TNRC6B: variants seen among roughly 807,000 people sequenced by gnomAD.
TNRC6B encodes the protein trinucleotide repeat-containing gene 6B protein.
TNRC6B carries 52 observed loss-of-function variants against 203.6 expected under a neutral mutation model. That is an observed-to-expected ratio of 0.26 (90% CI 0.20 to 0.32). The LOEUF is 0.32. TNRC6B is among the 10% of genes least tolerant of loss of function. The probability of loss-of-function intolerance (pLI) is 1.00; values close to 1 mark genes in which losing one functional copy is unlikely to be tolerated. For missense variants in TNRC6B, 1,923 were observed against 2,286.2 expected (o/e 0.84, Z 3.24); for synonymous variants, 838 against 845.7 (o/e 0.99, Z 0.16).
At chr22:40,059,185 C>T (rs1354701598) in intron 1 of TNRC6B, among the ~76,000 whole-genome samples, 1 of 152,210 alleles carries the variant, frequency 6.6e-6, no homozygotes, top group Non-Finnish European at 1.5e-5. Flanking sequence ...CTCCCTGCTT[C>T]TGGCTGCCAA....
At chr22:40,180,230 T>G (rs2146379397) in intron 1 of TNRC6B, among the ~76,000 whole-genome samples, 1 of 152,320 alleles carries the variant, frequency 6.6e-6, no homozygotes, top group South Asian at 2.1e-4. Flanking sequence ...AGCACTTTTT[T>G]GGGGCTTTGC....
At chr22:40,314,443 T>A (rs542506119) in intron 19 of TNRC6B, among the ~76,000 whole-genome samples, 1 of 152,250 alleles carries the variant, frequency 6.6e-6, no homozygotes, top group East Asian at 1.9e-4. Context: ...ACTCCTGATA[T>A]GTAACCTCCT....
At chr22:40,107,206 A>T in intron 1 of TNRC6B, 1 of 487,626 alleles carries the variant, frequency 2.1e-6, no homozygotes, top group South Asian at 3.2e-5. Context: ...CTAGGCTATG[A>T]AGCATTTTCC....
At chr22:40,145,090 T>TAAAAA (rs1555885325) in intron 3 of TNRC6B, among the ~76,000 whole-genome samples, 14 of 120,602 alleles carry the variant, frequency 1.2e-4, no homozygotes, top group Admixed American at 3.7e-4. Context: ...AAAAAAAATT[T>TAAAAA]TTTTAATTAG....
intron 7 of TNRC6B, among the ~76,000 whole-genome samples, chr22:40,275,750 A>T (rs1420661809): frequency 6.6e-6 from 1 of 151,832 alleles, no homozygotes; most frequent in Non-Finnish European, 1.5e-5. Context: ...CCTGAGGTCA[A>T]GAGTTCAAGA....
intron 1 of TNRC6B, among the ~76,000 whole-genome samples, chr22:40,096,295 A>C (rs2068185585): frequency 6.6e-6 from 1 of 152,246 alleles, no homozygotes; most frequent in African/African-American, 2.4e-5. Context: ...AGCACAGGTA[A>C]TACCCAGTGA....
At chr22:40,152,124 G>C (rs183224592) in intron 3 of TNRC6B, among the ~76,000 whole-genome samples, 33 of 152,108 alleles carry the variant, frequency 2.2e-4, no homozygotes, top group African/African-American at 7.0e-4. Flanking sequence ...CTCCTAAAAG[G>C]GTTTTTTGTT....
At chr22:40,069,866 CAGT>C (rs2067932442) in intron 1 of TNRC6B, among the ~76,000 whole-genome samples, 1 of 152,090 alleles carries the variant, frequency 6.6e-6, no homozygotes, top group African/African-American at 2.4e-5. Context: ...TCACGGCTAT[CAGT>C]TATGAAATGA....
chr22:40,272,786 C>G (rs1355010469), intron 6 of TNRC6B, among the ~76,000 whole-genome samples: 1 of 152,156 alleles, frequency 6.6e-6, no homozygotes, highest in Non-Finnish European at 1.5e-5. Flanking sequence ...TTCAAAACCA[C>G]TACGTATAAA....
chr22:40,225,452 G>T (rs2069769891), intron 1 of TNRC6B, among the ~76,000 whole-genome samples: 1 of 152,180 alleles, frequency 6.6e-6, no homozygotes, highest in African/African-American at 2.4e-5. Context: ...TTTGAGGCCG[G>T]GTGCAGTGGC....
At chr22:40,145,325 A>G (rs1028552839) in intron 3 of TNRC6B, among the ~76,000 whole-genome samples, 2 of 152,090 alleles carry the variant, frequency 1.3e-5, no homozygotes, top group African/African-American at 4.8e-5. Context: ...CTTGTGAATT[A>G]TACTTCAATT....
At chr22:40,157,695 C>T (rs1343261305) in intron 4 of TNRC6B, among the ~76,000 whole-genome samples, 1 of 152,168 alleles carries the variant, frequency 6.6e-6, no homozygotes, top group Non-Finnish European at 1.5e-5. Context: ...AAGAGAAACA[C>T]TTCAGGTGCT....
chr22:40,151,951 A>G (rs1395627302), intron 3 of TNRC6B, among the ~76,000 whole-genome samples: 2 of 152,152 alleles, frequency 1.3e-5, no homozygotes, highest in Admixed American at 6.5e-5. Context: ...AGGAGAGAAC[A>G]GAAGTTGGAA....
intron 3 of TNRC6B, among the ~76,000 whole-genome samples, chr22:40,128,768 C>T (rs374882876): frequency 2.6e-5 from 4 of 151,926 alleles, no homozygotes; most frequent in Non-Finnish European, 4.4e-5. Context: ...AGTGATTCTC[C>T]TGCCGCAGTC....
At chr22:40,290,714 G>A (rs567699493) in intron 12 of TNRC6B, among the ~76,000 whole-genome samples, 49 of 146,890 alleles carry the variant, frequency 3.3e-4, no homozygotes, top group African/African-American at 1.1e-3. Context: ...TCTCTGCCCC[G>A]CGCCTAGGAG....
chr22:40,069,247 G>T (rs545542019), intron 1 of TNRC6B, among the ~76,000 whole-genome samples: 1 of 151,902 alleles, frequency 6.6e-6, no homozygotes, highest in African/African-American at 2.4e-5. Flanking sequence ...GATCACAGGT[G>T]CACACTACCA....
intron 1 of TNRC6B, among the ~76,000 whole-genome samples, chr22:40,111,175 C>T (rs1383267565): frequency 3.3e-5 from 5 of 152,176 alleles, no homozygotes; most frequent in East Asian, 1.9e-4. Context: ...TTGTCCTGTC[C>T]GTGGGAAGGC....
At chr22:40,054,391 A>G (rs1601786952) in intron 1 of TNRC6B, among the ~76,000 whole-genome samples, 1 of 151,974 alleles carries the variant, frequency 6.6e-6, no homozygotes, top group Non-Finnish European at 1.5e-5. Flanking sequence ...AGTTCCGGAA[A>G]TGTGTGTTCT....
At chr22:40,052,246 T>C (rs757365862) in intron 1 of TNRC6B, among the ~76,000 whole-genome samples, 36 of 152,054 alleles carry the variant, frequency 2.4e-4, no homozygotes, top group Non-Finnish European at 4.7e-4. Context: ...TTTGGTGTCA[T>C]TGTTTTTTTC....
Sources: allele counts gnomAD v4.1 joint callset (sites outside exome capture counted in the v4.1 genomes callset), GRCh38; gene constraint gnomAD v4.1.1; transcripts MANE v1.5; gene names NCBI Gene and HGNC (gene_info 2026-07-23, HGNC 2026-07-21).